Variants in ADAMTS2 observed in about 807,000 individuals in gnomAD.
The protein encoded by ADAMTS2 is ADAM metallopeptidase with thrombospondin type 1 motif 2, also known as A disintegrin and metalloproteinase with thrombospondin motifs 2.
Under a neutral mutation model 123.0 loss-of-function variants are expected in ADAMTS2, and 50 were observed. The ratio of observed to expected loss-of-function variants is 0.41; its 90% CI spans 0.32 to 0.51. The LOEUF is 0.51. ADAMTS2 is among the 20% of genes least tolerant of loss of function. ADAMTS2 has a pLI of 0.35. For missense variants in ADAMTS2, 1,494 were observed against 1,705.2 expected, an observed-to-expected ratio of 0.88 and a Z score of 2.18; for synonymous variants, 678 against 695.4, an observed-to-expected ratio of 0.98 and a Z score of 0.39.
Position 179,130,375 on chromosome 5 carries a change from G to A in ADAMTS2, c.2291-277C>T, listed in dbSNP as rs570222571. Among the ~76,000 whole-genome samples the A allele has an allele frequency of 3.7e-4, 57 of 152,276 alleles. 1 individual carries two copies. In the South Asian group the frequency reaches 0.01, roughly 27 times the overall value. The stretch of plus-strand genomic sequence containing the variant: ...TCCCCTTGGAAGCCACTCAGTAGCC[G>A]TCAAGGCCACCTACCCATACCCTAT... On this transcript the variant is annotated intron_variant, in intron 15 of 21. Coordinates refer to ENST00000251582, the MANE Select transcript of ADAMTS2 (RefSeq NM_014244.5). This position sits in a 1 kb window ranked among gnomAD's most constrained non-coding sequence, Gnocchi z 4.3.
chr5:179,255,979 G>A (rs1397145697), intron 3 of ADAMTS2, among the ~76,000 whole-genome samples: 1 of 152,160 alleles, frequency 6.6e-6, no homozygotes, highest in Admixed American at 6.5e-5. Context: ...AGGCCCTGGG[G>A]TCTGCCTACA....
In ADAMTS2 at chr5:179,207,506, C is replaced by CCCCCCCCAAAAA; in HGVS notation, c.891+6_891+7insTTTTTGGGGGGG. Reference sequence around the variant, plus strand: ...CCCCACCCTGCCCCCTCAGCCACCCCACTCACAATGTTCATGAGTGTCAGC... The same window carrying CCCCCCCCAAAAA: ...CCCCACCCTGCCCCCTCAGCCACCCCCCCCCCCAAAAAACTCACAATGTTCATGAGTGTCAGC... On this transcript the variant is annotated splice_region_variant and intron_variant, in intron 4 of 21. Coordinates refer to ENST00000251582, the MANE Select transcript of ADAMTS2 (RefSeq NM_014244.5). The CCCCCCCCAAAAA allele has an allele frequency of 1.2e-6, 2 of 1,607,722 alleles. No individual in the cohort carries two copies. The highest frequency in any genetic ancestry group is 1.3e-5 in the African/African-American group (1 of 74,876).
chr5:179,133,001 C>T (rs1762992635), intron 13 of ADAMTS2, 101 bp from the exon 14 acceptor site: 1 of 1,495,354 alleles, frequency 6.7e-7, no homozygotes, highest in Non-Finnish European at 9.1e-7. Context: ...TCAAGCGATC[C>T]TCCTGCCTTG....
chr5:179,146,171 T>C (rs1401162660), intron 10 of ADAMTS2, among the ~76,000 whole-genome samples: 1 of 152,136 alleles, frequency 6.6e-6, no homozygotes, highest in African/African-American at 2.4e-5. Context: ...CTTTAAAAAG[T>C]GAATTTAAAT....
intron 13 of ADAMTS2, among the ~76,000 whole-genome samples, 167 bp downstream of exon 13, chr5:179,135,742 G>A (rs1763055308): frequency 6.6e-6 from 1 of 152,152 alleles, no homozygotes; most frequent in Non-Finnish European, 1.5e-5. Flanking sequence ...CACAGGGGAG[G>A]GGTAAACAGA....
intron 2 of ADAMTS2, among the ~76,000 whole-genome samples, chr5:179,274,103 GCCTGCCCTCCCCTGCCATAC>G (rs1479765583): frequency 3.4e-4 from 49 of 142,392 alleles, no homozygotes; most frequent in Admixed American, 8.7e-4. Flanking sequence ...CTGCCATCCA[GCCTGCCCTCCCCTGCCATAC>G]CCTGCCCTCC....
chr5:179,337,089 C>A (rs1757632535), intron 2 of ADAMTS2, among the ~76,000 whole-genome samples: 1 of 152,192 alleles, frequency 6.6e-6, no homozygotes, highest in Admixed American at 6.5e-5. Context: ...ATATTAATGG[C>A]AGCACCGCAG....
Position 179,154,931 on chromosome 5 carries a change from C to A in ADAMTS2, c.1133-12G>T. 2 of 1,609,740 alleles carry A rather than the reference C, an allele frequency of 1.2e-6. No individual in the cohort carries two copies. Among genetic ancestry groups the A allele is most frequent in the Middle Eastern group, 1.7e-4 (1 of 5,836 alleles). On this transcript the variant is annotated splice_polypyrimidine_tract_variant and intron_variant, in intron 6 of 21. Transcript: ENST00000251582. ...GACAGGAGCATAGCCTGGGAGGAGA[C>A]AAGAGGCGGCTCCAGATGCTGCCAT...
chr5:179,145,932 A>G (rs886405245), intron 10 of ADAMTS2, among the ~76,000 whole-genome samples: 1 of 152,166 alleles, frequency 6.6e-6, no homozygotes, highest in Non-Finnish European at 1.5e-5. Context: ...GGCTCACCGC[A>G]ACCTCTGCTT....
At position 179,258,270 on chromosome 5, in the gene ADAMTS2, G is replaced by A. The variant is rs376236732; in HGVS notation, c.688+14641C>T. Reference sequence around the variant, plus strand: ...ATTCCCAGCCTGACCCCCCCAGACCGCCCCCCGCCAACCCAGACAATGTGT... The same window carrying A: ...ATTCCCAGCCTGACCCCCCCAGACCACCCCCCGCCAACCCAGACAATGTGT... On this transcript the variant is annotated intron_variant, in intron 3 of 21. Coordinates refer to ENST00000251582, the MANE Select transcript of ADAMTS2 (RefSeq NM_014244.5). 2.2e-4 allele frequency among the ~76,000 whole-genome samples: 32 copies of A among 145,852 alleles called. No homozygotes were observed. The South Asian group carries it at 2.5e-3, about 12-fold the overall frequency.
chr5:179,187,163 A>G (rs73328269), intron 4 of ADAMTS2, among the ~76,000 whole-genome samples: 3,538 of 152,180 alleles, frequency 0.023, 152 homozygotes, highest in African/African-American at 0.08. Flanking sequence ...AATTCTTTAG[A>G]TATCTCAGGA....
At chr5:179,342,272 C>T (rs1402142278) in intron 2 of ADAMTS2, among the ~76,000 whole-genome samples, 1 of 152,226 alleles carries the variant, frequency 6.6e-6, no homozygotes, top group East Asian at 1.9e-4. Flanking sequence ...CACCACCTTA[C>T]CTCACCCTAA....
In ADAMTS2 at chr5:179,225,586, A is replaced by G. The variant is rs1214625544; in HGVS notation, c.689-17871T>C. ...GGAGCGCATGAGGGGAGGAACACAC[A>G]GGCGGCTGGACGTCGAGAGGAACGC... On this transcript the variant is annotated intron_variant, in intron 3 of 21. Coordinates refer to ENST00000251582, the MANE Select transcript of ADAMTS2 (RefSeq NM_014244.5). This position sits in a 1 kb window ranked among gnomAD's most constrained non-coding sequence, Gnocchi z 4.5. 1.3e-5 allele frequency among the ~76,000 whole-genome samples: 2 copies of G among 152,142 alleles called. No homozygotes were observed. Among genetic ancestry groups the G allele is most frequent in the African/African-American group, 4.8e-5 (2 of 41,450 alleles).
intron 19 of ADAMTS2, 85 bp downstream of exon 19, chr5:179,124,888 G>T (rs1258195055): frequency 1.1e-5 from 17 of 1,597,824 alleles, no homozygotes; most frequent in Non-Finnish European, 1.2e-5. Flanking sequence ...TTGTGTAGCG[G>T]CTGAATGCAG....
intron 13 of ADAMTS2, among the ~76,000 whole-genome samples, chr5:179,133,391 C>T (rs538201649): frequency 1.3e-3 from 200 of 152,220 alleles, no homozygotes; most frequent in Admixed American, 3.8e-3. Context: ...CCTCAGCCTC[C>T]CGAGTAGCTG....
intron 5 of ADAMTS2, among the ~76,000 whole-genome samples, chr5:179,166,860 C>T (rs1376628803): frequency 1.3e-5 from 2 of 152,226 alleles, no homozygotes; most frequent in East Asian, 1.9e-4. Flanking sequence ...CCTCCCTTCA[C>T]GGAGCAATCC....
intron 3 of ADAMTS2, among the ~76,000 whole-genome samples, chr5:179,247,488 A>C (rs998565126): frequency 3.9e-5 from 6 of 152,226 alleles, no homozygotes; most frequent in African/African-American, 1.4e-4. Context: ...CAAATTCCCC[A>C]AATTTGATAA....
At chr5:179,219,984 G>A (rs1253467885) in intron 3 of ADAMTS2, among the ~76,000 whole-genome samples, 1 of 152,208 alleles carries the variant, frequency 6.6e-6, no homozygotes, top group East Asian at 1.9e-4. Flanking sequence ...GAGCCAGCAA[G>A]CCCTGCCCCT....
chr5:179,129,888 G>A lies in ADAMTS2; in HGVS notation c.2457+44C>T. On this transcript the variant is annotated intron_variant, in intron 16 of 21. Transcript: ENST00000251582. The surrounding 1 kb of genome is among the most constrained non-coding windows in gnomAD (Gnocchi z 4.1). ...CAGGCACCCCCATCCCTCCCCCAGT[G>A]GCCACCCGCACCCTTCCCTGGGCCC... is the stretch of plus-strand genomic sequence containing the variant. 6.2e-7 allele frequency: 1 copy of A among 1,610,150 alleles called. No homozygotes were observed. The highest frequency in any genetic ancestry group is 1.1e-5 in the South Asian group (1 of 90,998).
Sources: gnomAD v4.1 joint callset for allele counts (sites outside exome capture counted in the v4.1 genomes callset) on GRCh38, gnomAD v4.1.1 for gene constraint, Gnocchi (gnomAD v3.1) non-coding constraint, MANE v1.5 for transcripts, NCBI Gene and HGNC (gene_info 2026-07-23, HGNC 2026-07-21) for gene names.